Variants in KSR2 observed in about 807,000 individuals in gnomAD.
KSR2 encodes the protein kinase suppressor of ras 2.
In KSR2, 25 loss-of-function variants were observed where a neutral mutation model predicts 107.8. The ratio of observed to expected loss-of-function variants is 0.23; its 90% CI spans 0.17 to 0.32. The LOEUF (loss-of-function observed/expected upper bound fraction) is 0.32. KSR2 is among the 10% of genes least tolerant of loss of function. KSR2 has a pLI of 1.00. For synonymous variants in KSR2, 480 were observed against 507.0 expected (o/e 0.95, Z 0.71); for missense variants, 887 against 1,268.9 (o/e 0.70, Z 4.57).
chr12:117,916,328 G>A (rs951438066), intron 1 of KSR2, among the ~76,000 whole-genome samples: 1 of 151,652 alleles, frequency 6.6e-6, no homozygotes, highest in Non-Finnish European at 1.5e-5. Context: ...GTAGAGACGG[G>A]GTTTCACTAT....
intron 3 of KSR2, among the ~76,000 whole-genome samples, chr12:117,832,753 T>C (rs1327720710): frequency 6.6e-6 from 1 of 152,224 alleles, no homozygotes; most frequent in Non-Finnish European, 1.5e-5. Context: ...TCCCTACTTC[T>C]CACCTTCTGC....
intron 1 of KSR2, among the ~76,000 whole-genome samples, chr12:117,878,537 G>A (rs1186660325): frequency 6.6e-6 from 1 of 152,162 alleles, no homozygotes; most frequent in Non-Finnish European, 1.5e-5. Flanking sequence ...CTAGGAGGAG[G>A]TAGGCAGAAG....
In KSR2 at chr12:117,897,418, A is replaced by G. The variant is rs1351798788; in HGVS notation, c.181-36987T>C. On this transcript the variant is annotated intron_variant, in intron 1 of 19. Transcript: ENST00000339824. The surrounding 1 kb of genome is among the most constrained non-coding windows in gnomAD (Gnocchi z 4.5). ...CGCTCCAGCCTACCCAGCACTCTCC[A>G]TTATCAGTAGGCATGAAAGGTTGAC... 2.0e-5 allele frequency among the ~76,000 whole-genome samples: 3 copies of G among 152,118 alleles called. No individual in the cohort carries two copies. Among genetic ancestry groups the G allele is most frequent in the African/African-American group, 7.2e-5 (3 of 41,430 alleles).
At chr12:117,696,950 C>A (rs7303083) in intron 4 of KSR2, among the ~76,000 whole-genome samples, 19,882 of 152,096 alleles carry the variant, frequency 0.13, 1,479 homozygotes, top group African/African-American at 0.2. Flanking sequence ...CACGACACAC[C>A]CAGAAAATGA....
At chr12:117,586,617 A>AAAG (rs1880010081) in intron 5 of KSR2, among the ~76,000 whole-genome samples, 1 of 82,092 alleles carries the variant, frequency 1.2e-5, no homozygotes, top group Non-Finnish European at 2.3e-5. Context: ...GAAAGAAAAG[A>AAAG]AAAAAGAAAG....
chr12:117,732,298 T>G (rs1187225140), intron 4 of KSR2, among the ~76,000 whole-genome samples: 1 of 152,030 alleles, frequency 6.6e-6, no homozygotes, highest in African/African-American at 2.4e-5. Context: ...TTTTTTCTTT[T>G]TTTTTTTTGA....
Position 117,910,026 on chromosome 12 carries a change from G to A in KSR2, c.181-49595C>T, listed in dbSNP as rs1008150209. Reference sequence around the variant, plus strand: ...GAGGAACATTTGAGGCCAGGAGTTCGAAACCAACCTGGGCAACATAGGGAA... The same window carrying A: ...GAGGAACATTTGAGGCCAGGAGTTCAAAACCAACCTGGGCAACATAGGGAA... On this transcript the variant is annotated intron_variant, in intron 1 of 19. Transcript: ENST00000339824. Among the ~76,000 whole-genome samples, 8 of 151,994 alleles carry A rather than the reference G, an allele frequency of 5.3e-5. No homozygotes were observed. In the East Asian group the frequency reaches 9.7e-4, roughly 18 times the overall value.
chr12:117,536,042 C>T (rs528141366), intron 10 of KSR2, among the ~76,000 whole-genome samples: 5 of 152,248 alleles, frequency 3.3e-5, no homozygotes, highest in Non-Finnish European at 7.4e-5. Flanking sequence ...GTCACAAATA[C>T]CACCGAGGCT....
At chr12:117,589,611 C>A (rs1880204651) in intron 5 of KSR2, among the ~76,000 whole-genome samples, 1 of 152,180 alleles carries the variant, frequency 6.6e-6, no homozygotes, top group Non-Finnish European at 1.5e-5. Flanking sequence ...GATCATTAAA[C>A]TTTTCTTTGG....
chr12:117,958,232 G>A (rs1326297888), intron 1 of KSR2, among the ~76,000 whole-genome samples: 7 of 152,254 alleles, frequency 4.6e-5, no homozygotes, highest in African/African-American at 1.4e-4. Context: ...TCTGACCTGA[G>A]ACAACAGCCT....
chr12:117,704,273 G>A (rs978005463), intron 4 of KSR2, among the ~76,000 whole-genome samples: 4 of 152,070 alleles, frequency 2.6e-5, no homozygotes, highest in Non-Finnish European at 4.4e-5. Flanking sequence ...CCCACCTACC[G>A]CTGTCTCTGG....
intron 14 of KSR2, among the ~76,000 whole-genome samples, chr12:117,505,958 TATA>T (rs1419189903): frequency 6.6e-6 from 1 of 152,234 alleles, no homozygotes; most frequent in Non-Finnish European, 1.5e-5. Flanking sequence ...TCCTTCCCTG[TATA>T]ATGATTCCTG....
At chr12:117,891,526 C>T (rs182815959) in intron 1 of KSR2, among the ~76,000 whole-genome samples, 8 of 150,548 alleles carry the variant, frequency 5.3e-5, no homozygotes, top group Non-Finnish European at 1.2e-4. Flanking sequence ...TTGTTTTAGC[C>T]CAGGAATTCA....
At chr12:117,832,185 G>A (rs1270724132) in intron 3 of KSR2, among the ~76,000 whole-genome samples, 5 of 152,220 alleles carry the variant, frequency 3.3e-5, no homozygotes, top group Admixed American at 3.3e-4. Flanking sequence ...TGGGGAGGGT[G>A]AGGCAGGAGA....
chr12:117,608,773 G>C (rs920373801), intron 5 of KSR2, among the ~76,000 whole-genome samples: 1 of 151,982 alleles, frequency 6.6e-6, no homozygotes, highest in Non-Finnish European at 1.5e-5. Flanking sequence ...ACCAATGAAA[G>C]CCAAAGTACC....
chr12:117,592,114 C>T (rs547651555), intron 5 of KSR2, among the ~76,000 whole-genome samples: 1 of 151,600 alleles, frequency 6.6e-6, no homozygotes, highest in Non-Finnish European at 1.5e-5. Flanking sequence ...AATCGCTTTC[C>T]CCCCAACTTT....
chr12:117,481,530 C>G (rs897976087), intron 16 of KSR2, among the ~76,000 whole-genome samples: 6 of 152,176 alleles, frequency 3.9e-5, no homozygotes, highest in Non-Finnish European at 5.9e-5. Flanking sequence ...TCACTAGACA[C>G]TAAATTTGCC....
In KSR2 at chr12:117,920,502, C is replaced by T. The variant is rs1895308943; in HGVS notation, c.180+47574G>A. ...GAACAAGACCATCTCCTAAGTTAAA[C>T]AGATAAATAATGCTAATACATTGAT... On this transcript the variant is annotated intron_variant, in intron 1 of 19. Coordinates refer to ENST00000339824, the MANE Select transcript of KSR2 (RefSeq NM_173598.6). Among the ~76,000 whole-genome samples the T allele has an allele frequency of 2.0e-5, 3 of 151,454 alleles. No homozygotes were observed. In the South Asian group the frequency reaches 6.3e-4, roughly 32 times the overall value.
At chr12:117,722,548 C>G (rs1416962193) in intron 4 of KSR2, among the ~76,000 whole-genome samples, 1 of 152,188 alleles carries the variant, frequency 6.6e-6, no homozygotes, top group Non-Finnish European at 1.5e-5. Flanking sequence ...CTGCTACACT[C>G]CCACCAGCAT....
Sources: gnomAD v4.1 joint callset for allele counts (sites outside exome capture counted in the v4.1 genomes callset) on GRCh38, gnomAD v4.1.1 for gene constraint, Gnocchi (gnomAD v3.1) non-coding constraint, MANE v1.5 for transcripts, NCBI Gene and HGNC (gene_info 2026-07-23, HGNC 2026-07-21) for gene names.